CHUK: variants seen among roughly 807,000 people sequenced by gnomAD.
CHUK encodes the protein component of inhibitor of nuclear factor kappa B kinase complex, also known as inhibitor of nuclear factor kappa-B kinase subunit alpha.
A neutral mutation model predicts 104.8 loss-of-function variants in CHUK; 35 were observed. The ratio of observed to expected loss-of-function variants is 0.33; its 90% confidence interval spans 0.26 to 0.44. The LOEUF is 0.44. CHUK is among the 20% of genes least tolerant of loss of function. The pLI is 1.00. For missense variants in CHUK, 663 were observed against 902.7 expected (o/e 0.73, Z 3.40); for synonymous variants, 276 against 291.9 (o/e 0.95, Z 0.56).
In CHUK at chr10:100,190,841, C is replaced by T. The variant is rs749662559; in HGVS notation, c.2208+28G>A. 3.1e-6 allele frequency: 4 copies of T among 1,300,468 alleles called. No individual in the cohort carries two copies. The Admixed American group carries it at 5.0e-5, about 16-fold the overall frequency. 80.6% of individuals were successfully genotyped at this position (1,300,468 alleles called of 1,614,324 possible). A position where few individuals can be genotyped will look rare whatever the true frequency, so the allele number is the denominator to read the frequency against. On this transcript the variant is annotated intron_variant, in intron 20 of 20. Transcript: ENST00000370397. ...CCTTTTGCACCCAACATAGCCAAAG[C>T]AGGCACCCATATCCACACAAAACTT...
intron 17 of CHUK, 93 bp downstream of exon 17, chr10:100,194,332 A>G: frequency 1.8e-6 from 2 of 1,096,046 alleles, no homozygotes; most frequent in Non-Finnish European, 2.8e-6. Flanking sequence ...CTTCCTGGGT[A>G]AGTATACTTT....
In CHUK at chr10:100,193,070, A is replaced by G; in HGVS notation, c.2108+228T>C. 5.3e-6 allele frequency: 3 copies of G among 564,656 alleles called. No individual in the cohort carries two copies. In the South Asian group the frequency reaches 5.9e-5, roughly 11 times the overall value. The allele number at this position is 564,656 out of a possible 1,614,324, so 35.0% of individuals were successfully genotyped here. On this transcript the variant is annotated intron_variant, in intron 19 of 20. Transcript: ENST00000370397. ...CATTTATTTCCCAAGCACTTTATAT[A>G]CATTGTCTAATCAAATTTCCACAGC...
At chr10:100,202,046 T>A (rs757487284) in intron 14 of CHUK, 42 bp downstream of exon 14, 47 of 1,394,676 alleles carry the variant, frequency 3.4e-5, no homozygotes, top group Non-Finnish European at 7.1e-6. Context: ...AATGGAGACA[T>A]CAAGAATTAA....
intron 9 of CHUK, among the ~76,000 whole-genome samples, chr10:100,215,535 T>A (rs568852393): frequency 0.028 from 4,199 of 151,326 alleles, 76 homozygotes; most frequent in Middle Eastern, 0.054. Context: ...CAAAAAAAAA[T>A]AATAATTAAA....
At chr10:100,211,060 G>T (rs1432986217) in intron 9 of CHUK, among the ~76,000 whole-genome samples, 1 of 152,116 alleles carries the variant, frequency 6.6e-6, no homozygotes, top group Non-Finnish European at 1.5e-5. Flanking sequence ...TACTACAAAG[G>T]TAAGGCATTA....
At chr10:100,229,119 C>T (rs1379304858) in intron 1 of CHUK, among the ~76,000 whole-genome samples, 1 of 152,118 alleles carries the variant, frequency 6.6e-6, no homozygotes, top group Non-Finnish European at 1.5e-5. Context: ...CTGCCTCACA[C>T]ACCCTGACAC....
At position 100,193,449 on chromosome 10, in the gene CHUK, A is replaced by G; in HGVS notation, c.1975-18T>C. 1 of 1,613,952 alleles carries G rather than the reference A, an allele frequency of 6.2e-7. No homozygotes were observed. The highest frequency in any genetic ancestry group is 8.5e-7 in the Non-Finnish European group (1 of 1,179,908). On this transcript the variant is annotated intron_variant, in intron 18 of 20. Coordinates refer to ENST00000370397, the MANE Select transcript of CHUK (RefSeq NM_001278.5). ...CTCTGTGTCTGAAGGAAAAGAAAAA[A>G]ACATCAAAAGATTACAGGCAAGCAT...
intron 18 of CHUK, 60 bp from the exon 19 acceptor site, chr10:100,193,491 A>T: frequency 3.8e-6 from 6 of 1,591,728 alleles, no homozygotes; most frequent in Non-Finnish European, 5.2e-6. Flanking sequence ...TGATTCACAC[A>T]ATTTCTTATC....
chr10:100,200,885 G>T, intron 14 of CHUK, 105 bp from the exon 15 acceptor site: 1 of 727,804 alleles, frequency 1.4e-6, no homozygotes. Flanking sequence ...CTTCATTAGA[G>T]AACTAAATAA....
chr10:100,194,035 G>C lies in CHUK; in HGVS notation c.1923C>G (p.Phe641Leu). 1 of 1,613,700 alleles carries C rather than the reference G, an allele frequency of 6.2e-7. No homozygotes were observed. Among genetic ancestry groups the C allele is most frequent in the Non-Finnish European group, 8.5e-7 (1 of 1,179,722 alleles). ...NIKEADNTVM[F>L]MQGKRQKEIW... is the part of the protein sequence containing the mutation. ...TTTCTTTCTGCCTTTTTCCCTGCAT[G>C]AACATGACAGTATTGTCAGCTTCTT... Residue 641 changes from phenylalanine (F) to leucine (L), a missense_variant, in exon 18 of 21, where the codon TTC becomes TTG. Coordinates refer to ENST00000370397, the MANE Select transcript of CHUK (RefSeq NM_001278.5).
intron 5 of CHUK, among the ~76,000 whole-genome samples, 182 bp downstream of exon 5, chr10:100,220,406 C>T (rs1845959710): frequency 6.6e-6 from 1 of 151,496 alleles, no homozygotes; most frequent in African/African-American, 2.4e-5. Context: ...TCTGATGGAA[C>T]CACTGTTTAG....
At chr10:100,206,059 T>C (rs746330028) in intron 11 of CHUK, among the ~76,000 whole-genome samples, 2 of 152,124 alleles carry the variant, frequency 1.3e-5, no homozygotes, top group Non-Finnish European at 2.9e-5. Flanking sequence ...TCTGACAAAA[T>C]GTCACAGCAA....
At chr10:100,224,132 G>A (rs1846052000) in intron 2 of CHUK, among the ~76,000 whole-genome samples, 1 of 151,914 alleles carries the variant, frequency 6.6e-6, no homozygotes, top group South Asian at 2.1e-4. Flanking sequence ...CTCTTTCTGA[G>A]GAAAAGATCT....
chr10:100,210,094 T>TATTTTTTATTTTTATTTA (rs1554897588), intron 9 of CHUK, among the ~76,000 whole-genome samples: 2 of 105,792 alleles, frequency 1.9e-5, no homozygotes, highest in African/African-American at 6.5e-5. Flanking sequence ...TTTATTTATT[T>TATTTTTTATTTTTATTTA]TTTTTTTTTT....
rs896894079 is a variant in CHUK at position 100,226,594 on chromosome 10, A to C, written c.106-577T>G. ...TTGCCTGTGACTAGTAATTTAGCCAATTCTGACTGAAATTAAACCCATTCT... is the reference window on the plus strand; with the variant it reads ...TTGCCTGTGACTAGTAATTTAGCCACTTCTGACTGAAATTAAACCCATTCT... On this transcript the variant is annotated intron_variant, in intron 1 of 20. Transcript: ENST00000370397. 2.0e-5 allele frequency among the ~76,000 whole-genome samples: 3 copies of C among 152,254 alleles called. No individual in the cohort carries two copies. In the South Asian group the frequency reaches 6.2e-4, roughly 31 times the overall value.
Position 100,225,992 on chromosome 10 carries a change from T to C in CHUK, c.131A>G (p.Lys44Arg). 1 of 1,606,290 alleles carries C rather than the reference T, an allele frequency of 6.2e-7. No homozygotes were observed. ...GGTACTTAGCTCTAGGCGACAAGACTTAATTGCTATTTTGAGATCAAGTTC... is the reference window on the plus strand; with the variant it reads ...GGTACTTAGCTCTAGGCGACAAGACCTAATTGCTATTTTGAGATCAAGTTC... Reference protein sequence around the residue: ...HRELDLKIAIKSCRLELSTKN... With the variant: ...HRELDLKIAIRSCRLELSTKN... Residue 44 changes from lysine (K) to arginine (R), a missense_variant, in exon 2 of 21, where the codon AAG becomes AGG. This residue lies in a region of CHUK where 200 missense variants were observed against 333.0 expected (regional missense o/e 0.60). Transcript: ENST00000370397.
intron 19 of CHUK, among the ~76,000 whole-genome samples, chr10:100,191,864 A>T (rs997403431): frequency 1.3e-5 from 2 of 152,204 alleles, no homozygotes; most frequent in African/African-American, 4.8e-5. Context: ...CATGCCTGTA[A>T]TTCCAGCACT....
chr10:100,227,698 G>C (rs1846137152), intron 1 of CHUK, among the ~76,000 whole-genome samples: 1 of 151,986 alleles, frequency 6.6e-6, no homozygotes, highest in Non-Finnish European at 1.5e-5. Context: ...CTAGAAACCT[G>C]GTTCACAAAA....
chr10:100,215,866 G>A (rs775811208), intron 9 of CHUK, among the ~76,000 whole-genome samples: 7 of 151,980 alleles, frequency 4.6e-5, no homozygotes, highest in Admixed American at 1.3e-4. Flanking sequence ...AATCTCTCCC[G>A]CCCTCACCCT....
Sources: allele counts gnomAD v4.1 joint callset (sites outside exome capture counted in the v4.1 genomes callset), GRCh38; gene constraint gnomAD v4.1.1; regional missense constraint gnomAD v4.1.1; transcripts MANE v1.5; gene names NCBI Gene and HGNC (gene_info 2026-07-23, HGNC 2026-07-21).